The following LIX1 variants were observed in gnomAD, a reference collection of about 807,000 sequenced individuals.
LIX1 encodes protein limb expression 1 homolog.
In LIX1, 24 loss-of-function variants were observed where a neutral mutation model predicts 33.4. That is an observed-to-expected ratio of 0.72 (90% CI 0.52 to 1.01). The LOEUF is 1.01. Ranked by LOEUF, LIX1 falls within the 50% of genes least tolerant of loss-of-function variation. The pLI is 0.00. For missense variants in LIX1, 311 were observed against 339.2 expected (o/e 0.92, Z 0.65); for synonymous variants, 124 against 124.0 (o/e 1.00, Z 0.00).
chr5:97,129,114 T>C (rs1014340199), intron 1 of LIX1, among the ~76,000 whole-genome samples: 5 of 152,204 alleles, frequency 3.3e-5, no homozygotes, highest in Non-Finnish European at 7.4e-5. Flanking sequence ...TCACTCCCTA[T>C]GCTTCTTATG....
At chr5:97,109,774 C>A (rs926457095) in intron 2 of LIX1, among the ~76,000 whole-genome samples, 1 of 151,884 alleles carries the variant, frequency 6.6e-6, no homozygotes, top group East Asian at 1.9e-4. Flanking sequence ...GCCCAAAGTC[C>A]ATTATATTAT....
intron 4 of LIX1, 85 bp downstream of exon 4, chr5:97,105,105 C>T (rs752781570): frequency 4.4e-5 from 52 of 1,192,728 alleles, no homozygotes; most frequent in Non-Finnish European, 6.0e-5. Flanking sequence ...ATTATTGGGT[C>T]GGGAGATGTT....
At position 97,105,172 on chromosome 5, in the gene LIX1, T is replaced by TGGCA; in HGVS notation, c.483+14_483+17dup. The TGGCA allele has an allele frequency of 6.2e-7, 1 of 1,603,308 alleles. No individual in the cohort carries two copies. The highest frequency in any genetic ancestry group is 8.5e-7 in the Non-Finnish European group (1 of 1,170,200). ...TGGATTGGATAATCAAACAAATATG[T>TGGCA]GGCAGGCAGGCAGGTACCTGAAACT... On this transcript the variant is annotated intron_variant, in intron 4 of 5. Coordinates refer to ENST00000274382, the MANE Select transcript of LIX1 (RefSeq NM_153234.5).
chr5:97,102,640 GA>G (rs1239609758), intron 4 of LIX1, among the ~76,000 whole-genome samples: 1 of 151,700 alleles, frequency 6.6e-6, no homozygotes, highest in Admixed American at 6.6e-5. Flanking sequence ...AGACCACACA[GA>G]AAACACATAG....
At chr5:97,140,843 A>C (rs2112803387) in intron 1 of LIX1, among the ~76,000 whole-genome samples, 1 of 152,330 alleles carries the variant, frequency 6.6e-6, no homozygotes, top group African/African-American at 2.4e-5. Flanking sequence ...GTAGCAGTCC[A>C]TTCTAGGGTA....
intron 2 of LIX1, among the ~76,000 whole-genome samples, chr5:97,123,878 A>T (rs1296226316): frequency 6.6e-6 from 1 of 152,174 alleles, no homozygotes; most frequent in Admixed American, 6.5e-5. Flanking sequence ...TGAATGCCTC[A>T]GTTCACATTT....
rs553859050 is a variant in LIX1 at position 97,117,790 on chromosome 5, C to T, written c.246+6676G>A. On this transcript the variant is annotated intron_variant, in intron 2 of 5. Transcript: ENST00000274382. Reference sequence around the variant, plus strand: ...TTGAAAACCAGATTGGCATAAAAATCAAAACCCATCAAATGAATTCATTGC... The same window carrying T: ...TTGAAAACCAGATTGGCATAAAAATTAAAACCCATCAAATGAATTCATTGC... 2.0e-5 allele frequency among the ~76,000 whole-genome samples: 3 copies of T among 152,228 alleles called. No individual in the cohort carries two copies. The South Asian group carries it at 6.2e-4, about 32-fold the overall frequency.
chr5:97,130,728 T>G lies in LIX1; in HGVS notation c.83-6099A>C, dbSNP rs139903116. Among the ~76,000 whole-genome samples the G allele has an allele frequency of 3.9e-5, 6 of 152,290 alleles. No individual in the cohort carries two copies. In the East Asian group the frequency reaches 1.2e-3, roughly 29 times the overall value. ...GGAGACATAAGTGTTAGGAGGAATA[T>G]TAATAATAGCATGAAATCCAGTTCC... On this transcript the variant is annotated intron_variant, in intron 1 of 5. Coordinates refer to ENST00000274382, the MANE Select transcript of LIX1 (RefSeq NM_153234.5).
At chr5:97,117,230 C>A (rs2112781030) in intron 2 of LIX1, among the ~76,000 whole-genome samples, 1 of 152,292 alleles carries the variant, frequency 6.6e-6, no homozygotes, top group South Asian at 2.1e-4. Context: ...GAAATACCTC[C>A]TTTAGAAGTT....
intron 1 of LIX1, among the ~76,000 whole-genome samples, chr5:97,126,740 C>T (rs748106091): frequency 5.3e-5 from 8 of 149,864 alleles, no homozygotes; most frequent in East Asian, 2.0e-4. Flanking sequence ...CCCTGGTTCA[C>T]GCCATTCTCC....
chr5:97,133,785 G>C (rs1205930425), intron 1 of LIX1, among the ~76,000 whole-genome samples: 1 of 152,130 alleles, frequency 6.6e-6, no homozygotes, highest in African/African-American at 2.4e-5. Flanking sequence ...AAAGGCAATA[G>C]ACCTGCTCCT....
chr5:97,129,302 A>G (rs949693759), intron 1 of LIX1, among the ~76,000 whole-genome samples: 1 of 152,194 alleles, frequency 6.6e-6, no homozygotes, highest in African/African-American at 2.4e-5. Flanking sequence ...CCTACCCGCA[A>G]GAAACATCAT....
intron 4 of LIX1, among the ~76,000 whole-genome samples, chr5:97,104,252 T>C (rs992900950): frequency 3.9e-5 from 6 of 152,168 alleles, no homozygotes; most frequent in African/African-American, 1.4e-4. Context: ...CTCTGATTGC[T>C]TCTTGGAATA....
chr5:97,109,800 TCCTC>T (rs1747279061), intron 2 of LIX1, among the ~76,000 whole-genome samples: 1 of 152,044 alleles, frequency 6.6e-6, no homozygotes, highest in Non-Finnish European at 1.5e-5. Flanking sequence ...TGCCTTTGCA[TCCTC>T]ATAGCTTAGC....
At position 97,124,484 on chromosome 5, in the gene LIX1, G is replaced by A. The variant is rs747725345; in HGVS notation, c.228C>T (p.Ser76=). 1 of 1,602,928 alleles carries A rather than the reference G, an allele frequency of 6.2e-7. No individual in the cohort carries two copies. Among genetic ancestry groups the A allele is most frequent in the South Asian group, 1.1e-5 (1 of 89,138 alleles). ...FVSYVTLPGG[S]CFGNFQCCLS... The stretch of plus-strand genomic sequence containing the variant: ...TTCTTACCTGAAAGTTGCCAAAACA[G>A]CTTCCCCCTGGGAGGGTCACGTAAC... Residue 76 remains serine (S), a synonymous_variant, in exon 2 of 6, where the codon AGC becomes AGT. Transcript: ENST00000274382.
At chr5:97,132,928 A>C (rs1016652801) in intron 1 of LIX1, among the ~76,000 whole-genome samples, 1 of 152,226 alleles carries the variant, frequency 6.6e-6, no homozygotes, top group African/African-American at 2.4e-5. Flanking sequence ...GCCCCTTCAG[A>C]GAAGGACATC....
rs779718023 is a variant in LIX1 at position 97,094,876 on chromosome 5, C to G, written c.721G>C (p.Glu241Gln). 1 of 1,614,190 alleles carries G rather than the reference C, an allele frequency of 6.2e-7. No individual in the cohort carries two copies. Among genetic ancestry groups the G allele is most frequent in the Non-Finnish European group, 8.5e-7 (1 of 1,180,024 alleles). Residue 241 changes from glutamate to glutamine, a missense_variant, in exon 6 of 6, where the codon GAA becomes CAA. Transcript: ENST00000274382. ...QLEEARKAGQ[E>Q]LRFYKEKKEI... ...TTCTTTTCTTTGTAAAACCGTAGTT[C>G]TTGTCCTGCTTTCCTGGCTTCCTCC...
At position 97,094,586 on chromosome 5, in the gene LIX1, G is replaced by A. The variant is rs1746246096; in HGVS notation, c.*162C>T. The A allele has an allele frequency of 3.2e-6, 2 of 625,002 alleles. No homozygotes were observed. The allele number at this position is 625,002 out of a possible 1,614,324, so 38.7% of individuals were successfully genotyped here. On this transcript the variant is annotated 3_prime_UTR_variant, in exon 6 of 6. Coordinates refer to ENST00000274382, the MANE Select transcript of LIX1 (RefSeq NM_153234.5). ...CGAGTGGCTTGTTGGGTCTTGTAAG[G>A]GTCCTACGACTCTCATACTCTGTAA... is the stretch of plus-strand genomic sequence containing the variant.
chr5:97,116,937 G>C lies in LIX1; in HGVS notation c.246+7529C>G, dbSNP rs78772465. On this transcript the variant is annotated intron_variant, in intron 2 of 5. Coordinates refer to ENST00000274382, the MANE Select transcript of LIX1 (RefSeq NM_153234.5). ...TAGTCTGAAGTCTTTATTTACCATG[G>C]GGCCTTTCCTAATCATTTCTTTCAC... Among the ~76,000 whole-genome samples, 1,104 of 152,022 alleles carry C rather than the reference G, an allele frequency of 7.3e-3. 52 individuals carry two copies. In the East Asian group the frequency reaches 0.1, roughly 14 times the overall value.
Sources: allele counts gnomAD v4.1 joint callset (sites outside exome capture counted in the v4.1 genomes callset), GRCh38; gene constraint gnomAD v4.1.1; transcripts MANE v1.5; gene names NCBI Gene and HGNC (gene_info 2026-07-23, HGNC 2026-07-21).